The following XKRX variants were observed in gnomAD, a reference collection of about 807,000 sequenced individuals.
XKRX encodes the protein XK-related protein 2.
A neutral mutation model predicts 22.4 loss-of-function variants in XKRX; 11 were observed. The observed-to-expected ratio is 0.49, with a 90% CI of 0.31 to 0.81. The LOEUF (loss-of-function observed/expected upper bound fraction) is 0.81, where lower values mean the gene tolerates loss of function less well. Among genes scored for constraint, XKRX ranks in the 40% least tolerant of loss-of-function variants. XKRX has a pLI of 0.05. For missense variants in XKRX, 320 were observed against 336.5 expected, an observed-to-expected ratio of 0.95 and a Z score of 0.38; for synonymous variants, 114 against 132.2, an observed-to-expected ratio of 0.86 and a Z score of 0.94.
intron 2 of XKRX, among the ~76,000 whole-genome samples, chrX:100,915,724 G>A (rs1304408712): frequency 9.2e-6 from 1 of 109,279 alleles, no homozygotes; most frequent in Non-Finnish European, 1.9e-5. Flanking sequence ...GTGTGTGTGT[G>A]TGTATGAATA....
Position 100,928,162 on chromosome X carries a change from G to T in XKRX, c.143C>A (p.Ala48Asp). Residue 48 changes from alanine (A) to aspartate (D), a missense_variant, in exon 1 of 3, where the codon GCT becomes GAT. Coordinates refer to ENST00000372956, the MANE Select transcript of XKRX (RefSeq NM_212559.3). ...TCTAACCATGTACAAAGCAGATGCA[G>T]CCTCCCCACAGTACAAAAAGGTGGA... ...LFSTFLYCGE[A>D]ASALYMVRIY... 4 of 1,211,762 alleles carry T rather than the reference G, an allele frequency of 3.3e-6. No individual in the cohort carries two copies. Among genetic ancestry groups the T allele is most frequent in the Non-Finnish European group, 4.5e-6 (4 of 895,424 alleles).
the XKRX span, among the ~76,000 whole-genome samples, chrX:100,943,743 T>G: frequency 8.9e-6 from 1 of 112,161 alleles, no homozygotes; most frequent in Admixed American, 9.5e-5. Flanking sequence ...AGTTCTGTGT[T>G]GCTACATACA....
Position 100,922,928 on chromosome X carries a change from A to C in XKRX, c.469T>G (p.Ser157Ala), listed in dbSNP as rs779056865. 5 of 1,211,576 alleles carry C rather than the reference A, an allele frequency of 4.1e-6. No individual in the cohort carries two copies. The highest frequency in any genetic ancestry group is 5.6e-6 in the Non-Finnish European group (5 of 895,487). Residue 157 changes from serine (S) to alanine (A), a missense_variant, in exon 2 of 3, where the codon TCC (serine) becomes GCC (alanine). Coordinates refer to ENST00000372956, the MANE Select transcript of XKRX (RefSeq NM_212559.3). ...EVLIEWEVGH[S>A]IRTLAMHRNA... ...CGGTGCATAGCCAGGGTCCGGATGG[A>C]GTGGCCCACCTCCCATTCTATCAGC...
the XKRX span, among the ~76,000 whole-genome samples, chrX:100,898,000 C>T: frequency 9.0e-6 from 1 of 111,321 alleles, no homozygotes; most frequent in Non-Finnish European, 1.9e-5. Flanking sequence ...GCAGTGCTGT[C>T]CTTACACAAA....
the XKRX span, among the ~76,000 whole-genome samples, chrX:100,935,039 G>A: frequency 8.9e-6 from 1 of 111,931 alleles, no homozygotes; most frequent in Non-Finnish European, 1.9e-5. Context: ...ACACCAGCTG[G>A]TTACGTTCAT....
the XKRX span, among the ~76,000 whole-genome samples, chrX:100,896,471 T>C: frequency 1.8e-5 from 2 of 111,922 alleles, no homozygotes; most frequent in African/African-American, 6.5e-5. Context: ...CATCTTTGTG[T>C]ACAAAAAGGG....
chrX:100,924,340 T>C (rs1461480742), intron 1 of XKRX, among the ~76,000 whole-genome samples: 2 of 111,855 alleles, frequency 1.8e-5, no homozygotes, highest in African/African-American at 3.3e-5. Context: ...TAATAGTTAC[T>C]TTTTGTGCCT....
chrX:100,941,549 A>C, the XKRX span, among the ~76,000 whole-genome samples: 2 of 106,692 alleles, frequency 1.9e-5, no homozygotes, highest in African/African-American at 6.7e-5. Context: ...ACTCTGTCTT[A>C]AAAAAAAAAA....
chrX:100,931,500 ACTTT>A (rs1481722868), upstream of XKRX, among the ~76,000 whole-genome samples: 8 of 110,443 alleles, frequency 7.2e-5, no homozygotes, highest in Non-Finnish European at 1.5e-4. Flanking sequence ...CCAAACCATA[ACTTT>A]CTTTCAAGGG....
intron 1 of XKRX, among the ~76,000 whole-genome samples, chrX:100,927,467 C>T (rs1230084725): frequency 1.8e-5 from 2 of 111,024 alleles, no homozygotes; most frequent in South Asian, 3.8e-4. Flanking sequence ...CCACCACACC[C>T]GGCCTATAAA....
At chrX:100,927,419 G>A (rs904230286) in intron 1 of XKRX, among the ~76,000 whole-genome samples, 1 of 111,390 alleles carries the variant, frequency 9.0e-6, no homozygotes, top group Non-Finnish European at 1.9e-5. Flanking sequence ...TGATCCACCC[G>A]CCTCAGCCTC....
At chrX:100,888,225 C>A in the XKRX span, 1 of 921,841 alleles carries the variant, frequency 1.1e-6, no homozygotes, top group Non-Finnish European at 1.6e-6. Context: ...TCAAAATAAT[C>A]TCTTAGCTGA....
At chrX:100,917,634 G>GAAGAAAGAAAGAAAGAAAGAAAGAAAGAA (rs2085444847) in intron 2 of XKRX, among the ~76,000 whole-genome samples, 2 of 49,034 alleles carry the variant, frequency 4.1e-5, no homozygotes, top group African/African-American at 2.2e-4. Flanking sequence ...GAGAAAGAAA[G>GAAGAAAGAAAGAAAGAAAGAAAGAAAGAA]AAGAAAGAAA....
Position 100,928,297 on chromosome X carries a change from C to T in XKRX, c.8G>A (p.Arg3Lys). Residue 3 changes from arginine (R) to lysine (K), a missense_variant, in exon 1 of 3, where the codon AGA becomes AAA. Transcript: ENST00000372956. MD[R>K]VYEIPEEPNV... is the part of the protein sequence containing the mutation. ...TGGCTCCTCAGGAATTTCATAAACTCTGTCCATTGTCGAGGTTCTTTCTGA... is the reference window on the plus strand; with the variant it reads ...TGGCTCCTCAGGAATTTCATAAACTTTGTCCATTGTCGAGGTTCTTTCTGA... The T allele has an allele frequency of 1.7e-6, 2 of 1,209,748 alleles. No homozygotes were observed. Among genetic ancestry groups the T allele is most frequent in the Non-Finnish European group, 2.2e-6 (2 of 894,789 alleles).
the XKRX span, chrX:100,888,442 G>T: frequency 1.0e-6 from 1 of 1,002,290 alleles, no homozygotes; most frequent in Non-Finnish European, 1.4e-6. Flanking sequence ...AGCGCTTGGT[G>T]TTTGGATCTC....
chrX:100,911,517 G>C, downstream of XKRX: 1 of 651,863 alleles, frequency 1.5e-6, no homozygotes, highest in Admixed American at 2.2e-5. Context: ...TAATTATTGA[G>C]GACTACAAAC....
chrX:100,904,940 A>C, the XKRX span, among the ~76,000 whole-genome samples: 4 of 111,921 alleles, frequency 3.6e-5, no homozygotes, highest in Admixed American at 2.9e-4. Flanking sequence ...GGTTTGGATA[A>C]ATATTGGAAA....
the XKRX span, among the ~76,000 whole-genome samples, chrX:100,936,049 A>G: frequency 9.0e-6 from 1 of 111,285 alleles, no homozygotes. Flanking sequence ...GCCTGAGTCT[A>G]GTTCTCCAGT....
the XKRX span, among the ~76,000 whole-genome samples, chrX:100,944,462 A>C: frequency 0.084 from 9,315 of 111,484 alleles, 825 homozygotes; most frequent in African/African-American, 0.27. Context: ...TCCTGGGTTC[A>C]AGCGGTTCTC....
Sources: allele counts gnomAD v4.1 joint callset (sites outside exome capture counted in the v4.1 genomes callset), GRCh38; gene constraint gnomAD v4.1.1; transcripts MANE v1.5; gene names NCBI Gene and HGNC (gene_info 2026-07-23, HGNC 2026-07-21).